Variants in TMEM132E observed in about 807,000 individuals in gnomAD.
TMEM132E encodes transmembrane protein 132E.
In TMEM132E, 49 loss-of-function variants were observed where a neutral mutation model predicts 78.5. The ratio of observed to expected loss-of-function variants is 0.62; its 90% CI spans 0.50 to 0.79. TMEM132E has a LOEUF of 0.79. Ranked by LOEUF, TMEM132E falls within the 30% of genes least tolerant of loss-of-function variation. TMEM132E has a pLI of 0.00. For missense variants in TMEM132E, 1,403 were observed against 1,470.9 expected (o/e 0.95, Z 0.75); for synonymous variants, 715 against 670.6 (o/e 1.07, Z -1.02).
At chr17:34,628,037 T>C (rs1907214292) in intron 2 of TMEM132E, among the ~76,000 whole-genome samples, 1 of 152,216 alleles carries the variant, frequency 6.6e-6, no homozygotes, top group Non-Finnish European at 1.5e-5. Context: ...CAGAGGAGTG[T>C]GACTGGCTGT....
intron 1 of TMEM132E, among the ~76,000 whole-genome samples, chr17:34,610,040 C>T (rs993557023): frequency 6.6e-6 from 1 of 151,864 alleles, no homozygotes; most frequent in Non-Finnish European, 1.5e-5. Flanking sequence ...AATCAGTCCT[C>T]GAGTTTCTAC....
chr17:34,627,471 T>TGTGCGTGCGCGCGCGCGC (rs1555564414), intron 2 of TMEM132E, among the ~76,000 whole-genome samples: 1 of 115,556 alleles, frequency 8.7e-6, no homozygotes, highest in African/African-American at 3.0e-5. Context: ...AAGAATCGTG[T>TGTGCGTGCGCGCGCGCGC]GTGTGTGTGT....
At position 34,639,005 on chromosome 17, in the gene TMEM132E, T is replaced by TC. The variant is rs1907648889; in HGVS notation, c.*778dup. Reference sequence around the variant, plus strand: ...CCTGGGGACCTCCTTGCCTTCCCCGTCCCCCACAGCAAGGTCAACACTACT... The same window carrying TC: ...CCTGGGGACCTCCTTGCCTTCCCCGTCCCCCCACAGCAAGGTCAACACTACT... On this transcript the variant is annotated 3_prime_UTR_variant, in exon 9 of 9. Transcript: ENST00000631683. The TC allele has an allele frequency of 6.6e-6, 1 of 152,518 alleles. No individual in the cohort carries two copies. Among genetic ancestry groups the TC allele is most frequent in the East Asian group, 1.9e-4 (1 of 5,166 alleles). The allele number at this position is 152,518 out of a possible 1,614,324, so 9.4% of individuals were successfully genotyped here.
intron 1 of TMEM132E, among the ~76,000 whole-genome samples, chr17:34,590,495 G>A (rs1306123469): frequency 6.6e-6 from 1 of 150,414 alleles, no homozygotes; most frequent in Non-Finnish European, 1.5e-5. Flanking sequence ...ATCTGGGGAG[G>A]CTTCATGGAA....
Position 34,581,012 on chromosome 17 carries a change from C to A in TMEM132E, c.-65C>A. ...AGCCCTGAGTTGGATGTGACCAAGC[C>A]CAGCCTGGGGCCAAGTCGTCGTCGA... On this transcript the variant is annotated 5_prime_UTR_variant, in exon 1 of 9. Transcript: ENST00000631683. 1.4e-6 allele frequency: 2 copies of A among 1,422,902 alleles called. No homozygotes were observed. The highest frequency in any genetic ancestry group is 1.3e-5 in the South Asian group (1 of 74,528). 88.1% of individuals were successfully genotyped at this position (1,422,902 alleles called of 1,614,324 possible).
At position 34,617,499 on chromosome 17, in the gene TMEM132E, T is replaced by TTGAA. The variant is rs35356399; in HGVS notation, c.68-8603_68-8600dup. Among the ~76,000 whole-genome samples the TTGAA allele has an allele frequency of 2.3e-3, 344 of 152,170 alleles. 2 individuals are homozygous for TTGAA. Among genetic ancestry groups the TTGAA allele is most frequent in the African/African-American group, 6.9e-3 (287 of 41,478 alleles). On this transcript the variant is annotated intron_variant, in intron 1 of 8. Transcript: ENST00000631683. ...CTCAGAACTAAATAACCAATAAATGTTGAATGAATGAATGAATGAATGAAT... is the reference window on the plus strand; with the variant it reads ...CTCAGAACTAAATAACCAATAAATGTTGAATGAATGAATGAATGAATGAATGAAT...
At chr17:34,614,874 G>A (rs894820522) in intron 1 of TMEM132E, 4 of 152,620 alleles carry the variant, frequency 2.6e-5, no homozygotes, top group African/African-American at 9.6e-5. Flanking sequence ...CCGAGGCTCT[G>A]TCCCTCAGTG....
intron 1 of TMEM132E, among the ~76,000 whole-genome samples, chr17:34,585,907 C>T (rs1471549721): frequency 2.6e-5 from 4 of 152,212 alleles, no homozygotes; most frequent in Admixed American, 2.6e-4. Flanking sequence ...TGAAATCACA[C>T]AGTCCTCAGG....
intron 8 of TMEM132E, 33 bp downstream of exon 8, chr17:34,636,231 T>C: frequency 7.0e-7 from 1 of 1,420,020 alleles, no homozygotes; most frequent in Non-Finnish European, 9.3e-7. Flanking sequence ...AGCCAGGGAG[T>C]TGGTGGTATG....
At chr17:34,604,581 G>A (rs138831459) in intron 1 of TMEM132E, among the ~76,000 whole-genome samples, 18 of 151,668 alleles carry the variant, frequency 1.2e-4, no homozygotes, top group African/African-American at 4.4e-4. Flanking sequence ...CGCACCCTCT[G>A]CCCCCTCCCC....
At chr17:34,593,896 C>T (rs1905968636) in intron 1 of TMEM132E, among the ~76,000 whole-genome samples, 1 of 152,240 alleles carries the variant, frequency 6.6e-6, no homozygotes, top group African/African-American at 2.4e-5. Flanking sequence ...TTCCCCTTCA[C>T]CTGCTCGTCT....
Position 34,632,747 on chromosome 17 carries a change from C to T in TMEM132E, c.1526C>T (p.Ser509Phe). The T allele has an allele frequency of 1.2e-6, 2 of 1,614,174 alleles. No individual in the cohort carries two copies. The highest frequency in any genetic ancestry group is 1.7e-6 in the Non-Finnish European group (2 of 1,180,034). ...TACGTGTTTGTGAGTGGAAAAGAGT[C>T]TCGAGGGTCCATGAACGCCAGGGTC... The part of the protein sequence containing the change: ...CDYVFVSGKE[S>F]RGSMNARVTF... The change falls in exon 6 of 9, where the codon TCT becomes TTT. Residue 509 changes from serine (S) to phenylalanine (F), a missense_variant. Coordinates refer to ENST00000631683, the MANE Select transcript of TMEM132E (RefSeq NM_001304438.2).
intron 1 of TMEM132E, among the ~76,000 whole-genome samples, chr17:34,613,209 ACACGCGCG>A (rs1906660431): frequency 6.3e-5 from 4 of 63,514 alleles, no homozygotes; most frequent in Non-Finnish European, 1.6e-4. Flanking sequence ...ACACACACAC[ACACGCGCG>A]CGCGCGCGCG....
chr17:34,623,410 C>A (rs567086459), intron 1 of TMEM132E, among the ~76,000 whole-genome samples: 108 of 151,448 alleles, frequency 7.1e-4, no homozygotes, highest in Middle Eastern at 6.8e-3. Flanking sequence ...CTCCCCCCCC[C>A]CCCCCCGTCC....
intron 1 of TMEM132E, among the ~76,000 whole-genome samples, chr17:34,621,130 G>A (rs535458656): frequency 6.6e-6 from 1 of 152,254 alleles, no homozygotes; most frequent in South Asian, 2.1e-4. Context: ...CATTTTACTG[G>A]GGAAACTGAG....
In TMEM132E at chr17:34,582,705, C is replaced by T. The variant is rs35282396; in HGVS notation, c.67+1562C>T. On this transcript the variant is annotated intron_variant, in intron 1 of 8. Transcript: ENST00000631683. The stretch of plus-strand genomic sequence containing the variant: ...TGAAGGTGGGGGAGAGGGAGGTGGG[C>T]TGCCTGTCTGCGCACTGGAGCTGCA... Among the ~76,000 whole-genome samples the T allele has an allele frequency of 1.6e-3, 248 of 152,224 alleles. 1 individual carries two copies. Among genetic ancestry groups the T allele is most frequent in the African/African-American group, 5.8e-3 (239 of 41,534 alleles).
intron 1 of TMEM132E, among the ~76,000 whole-genome samples, chr17:34,617,808 A>G (rs546937487): frequency 1.4e-4 from 22 of 152,328 alleles, no homozygotes; most frequent in African/African-American, 5.3e-4. Flanking sequence ...AAACACTTTC[A>G]TTTATTTTAA....
intron 1 of TMEM132E, among the ~76,000 whole-genome samples, chr17:34,582,282 C>T (rs569088017): frequency 6.6e-5 from 10 of 152,234 alleles, no homozygotes; most frequent in Admixed American, 6.5e-4. Context: ...CCGGGCTCAG[C>T]TCTTGCCCAG....
intron 1 of TMEM132E, among the ~76,000 whole-genome samples, chr17:34,617,243 A>G (rs573141793): frequency 2.3e-4 from 35 of 152,370 alleles, no homozygotes; most frequent in Middle Eastern, 3.4e-3. Context: ...GAAACTGCCC[A>G]AGGTTACGCA....
Sources: gnomAD v4.1 joint callset for allele counts (sites outside exome capture counted in the v4.1 genomes callset) on GRCh38, gnomAD v4.1.1 for gene constraint, MANE v1.5 for transcripts, NCBI Gene and HGNC (gene_info 2026-07-23, HGNC 2026-07-21) for gene names.